Variants in STOX2 observed in about 807,000 individuals in gnomAD.
STOX2 encodes the protein storkhead-box protein 2.
STOX2 carries 28 observed loss-of-function variants against 60.9 expected under a neutral mutation model. That is an observed-to-expected ratio of 0.46 (90% CI 0.34 to 0.63). The LOEUF is 0.63. STOX2 is among the 30% of genes least tolerant of loss of function. The pLI is 0.01. For missense variants in STOX2, 1,024 were observed against 1,187.7 expected, an observed-to-expected ratio of 0.86 and a Z score of 2.03; for synonymous variants, 472 against 463.9, an observed-to-expected ratio of 1.02 and a Z score of -0.22.
chr4:183,798,939 T>C, intron 1 of STOX2: 1 of 340,006 alleles, frequency 2.9e-6, no homozygotes, highest in Non-Finnish European at 3.8e-6. Flanking sequence ...AGTAAAGCTT[T>C]AGGAAACAAT....
Position 183,880,921 on chromosome 4 carries a change from C to G in STOX2, c.364+82866C>G, listed in dbSNP as rs570304899. ...GGAGGAAATTTTTTCAAGAAATACA[C>G]GTGATTGTTGGAGAGTTAAAATTTA... On this transcript the variant is annotated intron_variant, in intron 1 of 2. Transcript: ENST00000513034. Among the ~76,000 whole-genome samples, 7 of 152,034 alleles carry G rather than the reference C, an allele frequency of 4.6e-5. No individual in the cohort carries two copies. The South Asian group carries it at 1.2e-3, about 27-fold the overall frequency.
At chr4:183,893,349 A>G (rs1235460743) in intron 1 of STOX2, among the ~76,000 whole-genome samples, 3 of 152,150 alleles carry the variant, frequency 2.0e-5, no homozygotes, top group East Asian at 1.9e-4. Flanking sequence ...AGCCTCGTCT[A>G]TGGTCTGAAA....
intron 1 of STOX2, among the ~76,000 whole-genome samples, chr4:183,948,968 G>A (rs1002800724): frequency 6.6e-6 from 1 of 152,170 alleles, no homozygotes. Context: ...TCTCTTGGCT[G>A]TAATCTATCC....
Position 183,906,741 on chromosome 4 carries a change from C to T in STOX2, c.-50C>T. 6.9e-7 allele frequency: 1 copy of T among 1,459,074 alleles called. No individual in the cohort carries two copies. The highest frequency in any genetic ancestry group is 9.1e-7 in the Non-Finnish European group (1 of 1,099,032). The allele number at this position is 1,459,074 out of a possible 1,614,324, so 90.4% of individuals were successfully genotyped here. ...TAGACGGATGAAGGAGCGCGCTGCG[C>T]CCCGGCGCTGAGGCCCCGAGGATCG... On this transcript the variant is annotated 5_prime_UTR_variant, in exon 1 of 4. Transcript: ENST00000308497.
chr4:183,950,101 C>A (rs1449583611), intron 1 of STOX2, among the ~76,000 whole-genome samples: 1 of 152,240 alleles, frequency 6.6e-6, no homozygotes, highest in Non-Finnish European at 1.5e-5. Context: ...GCATTACACT[C>A]TTATTAAATT....
intron 1 of STOX2, among the ~76,000 whole-genome samples, chr4:183,860,442 C>CAAA (rs35753992): frequency 0.35 from 42,604 of 120,812 alleles, 6,469 homozygotes; most frequent in Non-Finnish European, 0.44. Context: ...AAACAAAAAA[C>CAAA]AAAAAAAAAA....
intron 1 of STOX2, among the ~76,000 whole-genome samples, chr4:183,928,321 A>G (rs1443877869): frequency 2.0e-5 from 3 of 152,198 alleles, no homozygotes; most frequent in African/African-American, 7.2e-5. Context: ...CTTTCTGTGC[A>G]GAAGATAATA....
At chr4:183,843,158 A>AAAAAAAAAAAAAAAG (rs1553967453) in intron 1 of STOX2, among the ~76,000 whole-genome samples, 1 of 150,596 alleles carries the variant, frequency 6.6e-6, no homozygotes, top group African/African-American at 2.5e-5. Context: ...AAAAAAAAAA[A>AAAAAAAAAAAAAAAG]AAAAAGAAAA....
chr4:183,895,260 A>G (rs867366791), intron 1 of STOX2, among the ~76,000 whole-genome samples: 2 of 152,174 alleles, frequency 1.3e-5, no homozygotes, highest in African/African-American at 4.8e-5. Context: ...AACATAAGGC[A>G]TTATTTGTTT....
intron 1 of STOX2, among the ~76,000 whole-genome samples, chr4:183,925,287 C>A (rs941250076): frequency 1.3e-5 from 2 of 152,128 alleles, no homozygotes; most frequent in African/African-American, 4.8e-5. Context: ...GAAAAGGAAT[C>A]CAAATTGAAA....
chr4:183,824,919 A>T (rs1334773566), intron 1 of STOX2, among the ~76,000 whole-genome samples: 1 of 152,210 alleles, frequency 6.6e-6, no homozygotes, highest in Non-Finnish European at 1.5e-5. Flanking sequence ...GGGGACCGAT[A>T]GAGTTCAATT....
chr4:183,894,787 T>C (rs1741303567), intron 1 of STOX2, among the ~76,000 whole-genome samples: 2 of 152,192 alleles, frequency 1.3e-5, no homozygotes, highest in Admixed American at 1.3e-4. Flanking sequence ...AAAAGAAAAC[T>C]TTCAAGACTG....
rs187411568 is a variant in STOX2, at chr4:183,953,938, G to A, written c.166+46982G>A. ...CCTACAGCTGGTGTGTGAGGGAGCC[G>A]GAAAGTGGTTCTGAATAGATGTATG... On this transcript the variant is annotated intron_variant, in intron 1 of 3. Transcript: ENST00000308497. 1.8e-4 allele frequency among the ~76,000 whole-genome samples: 27 copies of A among 152,192 alleles called. 1 individual carries two copies. The highest frequency in any genetic ancestry group is 7.9e-4 in the Admixed American group (12 of 15,286).
At chr4:183,882,652 T>C (rs1740984103) in intron 1 of STOX2, among the ~76,000 whole-genome samples, 1 of 152,242 alleles carries the variant, frequency 6.6e-6, no homozygotes, top group Admixed American at 6.5e-5. Flanking sequence ...GGATTTACTA[T>C]GCCTGGGTTA....
At chr4:183,897,182 C>T (rs1741356843) in intron 1 of STOX2, among the ~76,000 whole-genome samples, 1 of 152,226 alleles carries the variant, frequency 6.6e-6, no homozygotes, top group Non-Finnish European at 1.5e-5. Flanking sequence ...CTACTCTTTT[C>T]CTCAACCTGT....
At chr4:183,931,338 C>T (rs911870490) in intron 1 of STOX2, among the ~76,000 whole-genome samples, 5 of 152,142 alleles carry the variant, frequency 3.3e-5, no homozygotes, top group Admixed American at 2.6e-4. Flanking sequence ...GCGGGAGAAT[C>T]GCTTGAACCC....
Position 183,934,119 on chromosome 4 carries a change from C to CA in STOX2, c.166+27164dup, listed in dbSNP as rs199563207. 3.7e-3 allele frequency among the ~76,000 whole-genome samples: 555 copies of CA among 152,054 alleles called. 5 individuals carry two copies. Among genetic ancestry groups the CA allele is most frequent in the African/African-American group, 0.012 (508 of 41,446 alleles). On this transcript the variant is annotated intron_variant, in intron 1 of 3. Coordinates refer to ENST00000308497, the MANE Select transcript of STOX2 (RefSeq NM_020225.3). The stretch of plus-strand genomic sequence containing the variant: ...AGGAGTTTGAGATTAGCCTGGCCAA[C>CA]ATGCAAAACTCCGTCTGTACTTAAA...
chr4:184,011,611 C>T lies in STOX2; in HGVS notation c.2585+188C>T, dbSNP rs375971950. ...GGAATTGAAAAAAATGTTTCTGCAC[C>T]TGTAGAGATCACCAATCTGGACTGG... On this transcript the variant is annotated intron_variant, in intron 3 of 3. Coordinates refer to ENST00000308497, the MANE Select transcript of STOX2 (RefSeq NM_020225.3). The surrounding 1 kb of genome is among the most constrained non-coding windows in gnomAD (Gnocchi z 4.4). 19 of 1,524,610 alleles carry T rather than the reference C, an allele frequency of 1.2e-5. No individual in the cohort carries two copies. In the South Asian group the frequency reaches 2.2e-4, roughly 17 times the overall value. The allele number at this position is 1,524,610 out of a possible 1,614,324, so 94.4% of individuals were successfully genotyped here.
At chr4:183,975,694 A>T (rs1162231750) in intron 1 of STOX2, among the ~76,000 whole-genome samples, 1 of 152,216 alleles carries the variant, frequency 6.6e-6, no homozygotes, top group Non-Finnish European at 1.5e-5. Context: ...AAAACCTAAA[A>T]AACTACAGGT....
Sources: allele counts gnomAD v4.1 joint callset (sites outside exome capture counted in the v4.1 genomes callset), GRCh38; gene constraint gnomAD v4.1.1; non-coding constraint Gnocchi (gnomAD v3.1); transcripts MANE v1.5; gene names NCBI Gene and HGNC (gene_info 2026-07-23, HGNC 2026-07-21).